GFM2: variants seen among roughly 807,000 people sequenced by gnomAD.
The protein encoded by GFM2 is GTP dependent ribosome recycling factor mitochondrial 2.
GFM2 carries 72 observed loss-of-function variants against 95.4 expected under a neutral mutation model. That is an observed-to-expected ratio of 0.76 (90% CI 0.62 to 0.92). The LOEUF is 0.92. Ranked by LOEUF, GFM2 falls within the 40% of genes least tolerant of loss-of-function variation. The pLI is 0.00. For missense variants in GFM2, 825 were observed against 924.1 expected (o/e 0.89, Z 1.39); for synonymous variants, 276 against 317.5 (o/e 0.87, Z 1.39).
chr5:74,750,250 G>A (rs1449871305), intron 7 of GFM2, among the ~76,000 whole-genome samples: 1 of 152,136 alleles, frequency 6.6e-6, no homozygotes, highest in Non-Finnish European at 1.5e-5. Flanking sequence ...GAAAGAAACA[G>A]AAATAACAGT....
In GFM2 at chr5:74,747,784, A is replaced by C; in HGVS notation, c.520-4T>G. Reference sequence around the variant, plus strand: ...TCCATACTGTGAGAGTCTGGGCCTAAAGCAAAGATGAGGAAAAAAATACAT... The same window carrying C: ...TCCATACTGTGAGAGTCTGGGCCTACAGCAAAGATGAGGAAAAAAATACAT... On this transcript the variant is annotated splice_polypyrimidine_tract_variant and splice_region_variant and intron_variant, in intron 7 of 20. Coordinates refer to ENST00000296805, the MANE Select transcript of GFM2 (RefSeq NM_032380.5). 2 of 1,573,020 alleles carry C rather than the reference A, an allele frequency of 1.3e-6. No homozygotes were observed. The highest frequency in any genetic ancestry group is 1.7e-6 in the Non-Finnish European group (2 of 1,146,286).
At chr5:74,749,937 C>T (rs1006725125) in intron 7 of GFM2, among the ~76,000 whole-genome samples, 1 of 152,102 alleles carries the variant, frequency 6.6e-6, no homozygotes, top group African/African-American at 2.4e-5. Context: ...CTGTGATCCA[C>T]TCCAAATTAA....
chr5:74,728,990 G>C (rs1370755089), intron 17 of GFM2, among the ~76,000 whole-genome samples: 2 of 152,012 alleles, frequency 1.3e-5, no homozygotes, highest in African/African-American at 4.8e-5. Context: ...CAGACTTCGT[G>C]ATCTGCCCAC....
rs1376132545 is a variant in GFM2 at position 74,725,774 on chromosome 5, T to C, written c.1913-19A>G. 4 of 1,566,190 alleles carry C rather than the reference T, an allele frequency of 2.6e-6. No individual in the cohort carries two copies. The highest frequency in any genetic ancestry group is 2.2e-5 in the East Asian group (1 of 44,634). Reference sequence around the variant, plus strand: ...AATGGTCCTAGACAAGGGAAAAAAATTGTATCATACTCTGCTAGATGTGAA... The same window carrying C: ...AATGGTCCTAGACAAGGGAAAAAAACTGTATCATACTCTGCTAGATGTGAA... On this transcript the variant is annotated intron_variant, in intron 18 of 20. Transcript: ENST00000296805.
Position 74,754,359 on chromosome 5 carries a change from C to A in GFM2, c.305-2866G>T, listed in dbSNP as rs150438290. Among the ~76,000 whole-genome samples the A allele has an allele frequency of 8.0e-5, 12 of 149,498 alleles. No homozygotes were observed. In the East Asian group the frequency reaches 2.3e-3, roughly 29 times the overall value. ...GCAATAGATAGTGACAATAGTACCT[C>A]ACATCTGAATACTAACATTGAATGG... On this transcript the variant is annotated intron_variant, in intron 5 of 20. Transcript: ENST00000296805.
intron 6 of GFM2, 82 bp from the exon 7 acceptor site, chr5:74,750,749 G>A (rs1743655972): frequency 2.1e-6 from 2 of 962,318 alleles, no homozygotes; most frequent in South Asian, 1.4e-5. Context: ...TCACTCCTGG[G>A]GAGGGGTGTG....
At position 74,746,021 on chromosome 5, in the gene GFM2, G is replaced by A. The variant is rs1018792792; in HGVS notation, c.669+84C>T. 1.9e-5 allele frequency: 21 copies of A among 1,120,036 alleles called. 1 individual carries two copies. In the South Asian group the frequency reaches 3.2e-4, roughly 17 times the overall value. 69.4% of individuals were successfully genotyped at this position (1,120,036 alleles called of 1,614,324 possible). A position where few individuals can be genotyped will look rare whatever the true frequency, so the allele number is the denominator to read the frequency against. ...ATACCCCAACTTCTTCAAAAATGAT[G>A]AGATAGCTTTGGAAATGTATATATT... is the stretch of plus-strand genomic sequence containing the variant. On this transcript the variant is annotated intron_variant, in intron 9 of 20. Coordinates refer to ENST00000296805, the MANE Select transcript of GFM2 (RefSeq NM_032380.5).
Position 74,745,732 on chromosome 5 carries a change from A to G in GFM2, c.795T>C (p.Asn265=), listed in dbSNP as rs772690808. Residue 265 remains asparagine, a synonymous_variant, in exon 10 of 21, where the codon AAT becomes AAC. Coordinates refer to ENST00000296805, the MANE Select transcript of GFM2 (RefSeq NM_032380.5). Reference sequence around the variant, plus strand: ...TTGTTTCCTTCAGCAATTCAGGATCATTCATTTCCAAGAGGGGCTTTCTCT... The same window carrying G: ...TTGTTTCCTTCAGCAATTCAGGATCGTTCATTTCCAAGAGGGGCTTTCTCT... ...DFERKPLLEM[N]DPELLKETTE... is the part of the protein sequence containing the mutation. 1.2e-6 allele frequency: 2 copies of G among 1,613,868 alleles called. No individual in the cohort carries two copies. The highest frequency in any genetic ancestry group is 2.7e-5 in the African/African-American group (2 of 74,950).
At position 74,738,359 on chromosome 5, in the gene GFM2, A is replaced by G; in HGVS notation, c.1279T>C (p.Leu427=). Residue 427 remains leucine (L), a synonymous_variant, in exon 14 of 21, where the codon TTG becomes CTG. Coordinates refer to ENST00000296805, the MANE Select transcript of GFM2 (RefSeq NM_032380.5). ...GTCAAAGCAATGTTACCAGCAGTCA[A>G]TGAAGGGATTTCTACATGTTGGTCA... ...FADQHVEIPS[L]TAGNIALTVG... 1.9e-6 allele frequency: 3 copies of G among 1,613,676 alleles called. No individual in the cohort carries two copies. Among genetic ancestry groups the G allele is most frequent in the Middle Eastern group, 1.7e-4 (1 of 6,058 alleles).
intron 1 of GFM2, among the ~76,000 whole-genome samples, 195 bp downstream of exon 1, chr5:74,766,743 G>A (rs1173837116): frequency 6.6e-6 from 1 of 152,200 alleles, no homozygotes; most frequent in East Asian, 1.9e-4. Context: ...CAGAGTGACC[G>A]GAACAAAGAT....
chr5:74,726,524 C>T (rs1022130948), intron 17 of GFM2, among the ~76,000 whole-genome samples: 5 of 152,012 alleles, frequency 3.3e-5, no homozygotes, highest in African/African-American at 1.2e-4. Context: ...GAAAATTAAA[C>T]GACTTTAAAT....
rs369964880 is a variant in GFM2, at chr5:74,751,381, T to G, written c.417A>C (p.Leu139=). The change falls in exon 6 of 21, where the codon CTA becomes CTC. Residue 139 remains leucine (L), a synonymous_variant. Transcript: ENST00000296805. The part of the protein sequence containing the change: ...TFDWKGYRVN[L]IDTPGHVDFT... ...ATCGTACCATACCTGGTGTATCAAT[T>G]AGATTGACTCTATAACCTTTCCAAT... The G allele has an allele frequency of 9.9e-6, 16 of 1,612,986 alleles. No homozygotes were observed. The African/African-American group carries it at 1.9e-4, about 19-fold the overall frequency.
Position 74,750,680 on chromosome 5 carries a change from T to G in GFM2, c.431-13A>C, listed in dbSNP as rs372687626. The G allele has an allele frequency of 5.7e-6, 9 of 1,586,944 alleles. No homozygotes were observed. The highest frequency in any genetic ancestry group is 7.8e-6 in the Non-Finnish European group (9 of 1,156,954). On this transcript the variant is annotated splice_polypyrimidine_tract_variant and intron_variant, in intron 6 of 20. Coordinates refer to ENST00000296805, the MANE Select transcript of GFM2 (RefSeq NM_032380.5). ...AAGTCCACATGACCTAAGAAAAAGA[T>G]AAGACGTATAATGCCTTCTTTTTAA...
intron 7 of GFM2, among the ~76,000 whole-genome samples, chr5:74,748,393 A>G (rs1318750783): frequency 6.6e-6 from 1 of 152,138 alleles, no homozygotes; most frequent in Non-Finnish European, 1.5e-5. Context: ...TTACTCCTGA[A>G]ATTTTTCTCA....
At chr5:74,733,306 C>A in intron 15 of GFM2, 19 of 351,864 alleles carry the variant, frequency 5.4e-5, no homozygotes, top group South Asian at 1.7e-4. Context: ...GCCTGGGCAA[C>A]ATGGCGAAAC....
intron 16 of GFM2, among the ~76,000 whole-genome samples, chr5:74,731,764 C>T (rs958490271): frequency 5.9e-5 from 9 of 152,106 alleles, no homozygotes; most frequent in African/African-American, 1.9e-4. Context: ...TATTATGCTG[C>T]TGCATAACAG....
chr5:74,748,938 A>AAAT (rs1743550184), intron 7 of GFM2, among the ~76,000 whole-genome samples: 1 of 147,570 alleles, frequency 6.8e-6, no homozygotes, highest in South Asian at 2.1e-4. Flanking sequence ...AAAAAAAATA[A>AAAT]AAAATAAAAT....
intron 10 of GFM2, among the ~76,000 whole-genome samples, 168 bp downstream of exon 10, chr5:74,745,510 G>A (rs1376346765): frequency 6.6e-6 from 1 of 152,090 alleles, no homozygotes; most frequent in Non-Finnish European, 1.5e-5. Flanking sequence ...ACATCAATAG[G>A]TTATATGCAA....
At position 74,740,081 on chromosome 5, in the gene GFM2, A is replaced by G. The variant is rs1177599512; in HGVS notation, c.987T>C (p.Cys329=). ...TCCCTTTGTTTTTCAGGGCACTTCC[A>G]CAAAGCACAGGCACTGCTGTCTGAG... The part of the protein sequence containing the change: ...TLAQTAVPVL[C]GSALKNKGIQ... The change falls in exon 12 of 21, where the codon TGT becomes TGC. Residue 329 remains cysteine (C), a synonymous_variant. Transcript: ENST00000296805. 1 of 1,608,036 alleles carries G rather than the reference A, an allele frequency of 6.2e-7. No homozygotes were observed. The highest frequency in any genetic ancestry group is 1.1e-5 in the South Asian group (1 of 89,886).
Sources: allele counts gnomAD v4.1 joint callset (sites outside exome capture counted in the v4.1 genomes callset), GRCh38; gene constraint gnomAD v4.1.1; transcripts MANE v1.5; gene names NCBI Gene and HGNC (gene_info 2026-07-23, HGNC 2026-07-21).